The following TMEM65 variants were observed in gnomAD, a reference collection of about 807,000 sequenced individuals.
TMEM65 encodes transmembrane protein 65.
In TMEM65, 22 loss-of-function variants were observed where a neutral mutation model predicts 25.4. That is an observed-to-expected ratio of 0.86 (90% confidence interval 0.62 to 1.23). TMEM65 has a LOEUF of 1.23. Ranked by LOEUF, TMEM65 falls within the 50% of genes most tolerant of loss-of-function variation. TMEM65 has a pLI of 0.00. For missense variants in TMEM65, 262 were observed against 308.2 expected (o/e 0.85, Z 1.12); for synonymous variants, 132 against 126.2 (o/e 1.05, Z -0.31).
intron 5 of TMEM65, among the ~76,000 whole-genome samples, chr8:124,320,983 T>C (rs912844704): frequency 6.6e-5 from 10 of 152,186 alleles, no homozygotes; most frequent in Admixed American, 6.5e-4. Context: ...GCTAAATGGC[T>C]TTAAAATCTC....
At position 124,330,877 on chromosome 8, in the gene TMEM65, T is replaced by G; in HGVS notation, c.305-85A>C. 2.4e-6 allele frequency: 3 copies of G among 1,245,162 alleles called. No homozygotes were observed. The South Asian group carries it at 4.0e-5, about 17-fold the overall frequency. The allele number at this position is 1,245,162 out of a possible 1,614,324, so 77.1% of individuals were successfully genotyped here. A position where few individuals can be genotyped will look rare whatever the true frequency, so the allele number is the denominator to read the frequency against. On this transcript the variant is annotated intron_variant, in intron 1 of 6. Transcript: ENST00000297632. ...TTACAATGAAGAAAATACCAGAAGATTTACAACGTGGGAGAATATCAGAGT... is the reference window on the plus strand; with the variant it reads ...TTACAATGAAGAAAATACCAGAAGAGTTACAACGTGGGAGAATATCAGAGT...
In TMEM65 at chr8:124,337,132, AAC is replaced by A. The variant is rs748885748; in HGVS notation, c.305-6342_305-6341del. ...TTGTTACCAAAAAACTTTATATGTA[AAC>A]ACACACACACGCACACACACACACC... is the stretch of plus-strand genomic sequence containing the variant. On this transcript the variant is annotated intron_variant, in intron 1 of 6. Coordinates refer to ENST00000297632, the MANE Select transcript of TMEM65 (RefSeq NM_194291.3). 2.6e-5 allele frequency among the ~76,000 whole-genome samples: 4 copies of A among 151,506 alleles called. 1 individual carries two copies. The highest frequency in any genetic ancestry group is 3.9e-4 in the East Asian group (2 of 5,190).
intron 1 of TMEM65, among the ~76,000 whole-genome samples, chr8:124,366,964 C>A (rs1482245836): frequency 6.6e-6 from 1 of 152,216 alleles, no homozygotes; most frequent in Non-Finnish European, 1.5e-5. Flanking sequence ...CCTCTTGCCT[C>A]AATTCATACT....
intron 1 of TMEM65, among the ~76,000 whole-genome samples, chr8:124,351,662 AAG>A (rs1348485167): frequency 6.6e-6 from 1 of 152,170 alleles, no homozygotes; most frequent in African/African-American, 2.4e-5. Flanking sequence ...AAATATCTCC[AAG>A]AGTTCCTTTA....
chr8:124,360,588 C>T (rs1005964115), intron 1 of TMEM65, among the ~76,000 whole-genome samples: 2 of 152,144 alleles, frequency 1.3e-5, no homozygotes, highest in African/African-American at 4.8e-5. Flanking sequence ...GCTCTCTTGC[C>T]TTAGCTGGGC....
At chr8:124,354,105 T>C (rs564758002) in intron 1 of TMEM65, among the ~76,000 whole-genome samples, 3 of 152,174 alleles carry the variant, frequency 2.0e-5, no homozygotes, top group Admixed American at 1.3e-4. Context: ...GAAACCCAAA[T>C]TGGTTTCTCT....
rs1399320020 is a variant in TMEM65, at chr8:124,307,395, C to G, written c.*6565G>C. 6.6e-6 allele frequency: 1 copy of G among 152,118 alleles called. No homozygotes were observed. Among genetic ancestry groups the G allele is most frequent in the African/African-American group, 2.4e-5 (1 of 41,394 alleles). The allele number at this position is 152,118 out of a possible 1,614,324, so 9.4% of individuals were successfully genotyped here. On this transcript the variant is annotated 3_prime_UTR_variant, in exon 7 of 7. Transcript: ENST00000297632. ...GTTAAATTGCTTGATGTGTACTGGTCTGCAGCTGTAGTTGCCCATCCTTCA... is the reference window on the plus strand; with the variant it reads ...GTTAAATTGCTTGATGTGTACTGGTGTGCAGCTGTAGTTGCCCATCCTTCA...
chr8:124,350,896 G>T, intron 1 of TMEM65: 2 of 621,286 alleles, frequency 3.2e-6, no homozygotes, highest in Non-Finnish European at 4.0e-6. Context: ...AGTTGAGCAT[G>T]CAGTTATTGT....
chr8:124,339,677 T>C (rs1256083561), intron 1 of TMEM65, among the ~76,000 whole-genome samples: 2 of 152,006 alleles, frequency 1.3e-5, no homozygotes, highest in African/African-American at 4.8e-5. Flanking sequence ...TCACTGACTT[T>C]ATTTGAGCAT....
At chr8:124,344,391 T>C (rs866391749) in intron 1 of TMEM65, among the ~76,000 whole-genome samples, 70 of 152,196 alleles carry the variant, frequency 4.6e-4, no homozygotes, top group African/African-American at 1.6e-3. Flanking sequence ...TAAATGTAAA[T>C]GAGGTTATGA....
intron 6 of TMEM65, among the ~76,000 whole-genome samples, chr8:124,315,842 T>C (rs1814230769): frequency 6.6e-6 from 1 of 152,200 alleles, no homozygotes; most frequent in South Asian, 2.1e-4. Flanking sequence ...GAAATTTTCT[T>C]CATTCCACAT....
In TMEM65 at chr8:124,368,390, G is replaced by A. The variant is rs140735249; in HGVS notation, c.304+3464C>T. On this transcript the variant is annotated intron_variant, in intron 1 of 6. Coordinates refer to ENST00000297632, the MANE Select transcript of TMEM65 (RefSeq NM_194291.3). ...ATTAATTACACCACCTTAAATAAGT[G>A]TGGAAGCCAGCCTCAAAGATGTACC... Among the ~76,000 whole-genome samples the A allele has an allele frequency of 7.1e-4, 106 of 149,864 alleles. 2 individuals carry two copies. In the South Asian group the frequency reaches 0.013, roughly 19 times the overall value.
intron 1 of TMEM65, among the ~76,000 whole-genome samples, chr8:124,364,772 G>A (rs945491698): frequency 6.6e-6 from 1 of 152,052 alleles, no homozygotes; most frequent in African/African-American, 2.4e-5. Flanking sequence ...GTTTTTATGT[G>A]TTTTCCTTTA....
chr8:124,329,799 T>C (rs576664471), intron 2 of TMEM65, among the ~76,000 whole-genome samples: 1 of 151,994 alleles, frequency 6.6e-6, no homozygotes, highest in African/African-American at 2.4e-5. Context: ...AAACAGTAAA[T>C]TTCAATACCA....
intron 5 of TMEM65, among the ~76,000 whole-genome samples, chr8:124,321,512 T>C (rs1314455040): frequency 6.6e-6 from 1 of 152,134 alleles, no homozygotes; most frequent in African/African-American, 2.4e-5. Flanking sequence ...TAAATAGATG[T>C]CCTTAGTTTG....
chr8:124,310,970 C>T lies in TMEM65; in HGVS notation c.*2990G>A, dbSNP rs759947563. ...TATTTAATATACTGTCTTAAGATGGCGAGAAAATATAATTCTAAAATTAGA... is the reference window on the plus strand; with the variant it reads ...TATTTAATATACTGTCTTAAGATGGTGAGAAAATATAATTCTAAAATTAGA... On this transcript the variant is annotated 3_prime_UTR_variant, in exon 7 of 7. Coordinates refer to ENST00000297632, the MANE Select transcript of TMEM65 (RefSeq NM_194291.3). The T allele has an allele frequency of 4.0e-5, 6 of 151,838 alleles. No homozygotes were observed. The highest frequency in any genetic ancestry group is 1.9e-4 in the East Asian group (1 of 5,200). 9.4% of individuals were successfully genotyped at this position (151,838 alleles called of 1,614,324 possible). A position where few individuals can be genotyped will look rare whatever the true frequency, so the allele number is the denominator to read the frequency against.
rs1482371362 is a variant in TMEM65, at chr8:124,330,803, GA to G, written c.305-12del. ...GAGCTTCCAATTTTTCTAAAGGGGA[GA>G]AAAAGGATGTGGGGCAAGAATTAGT... On this transcript the variant is annotated splice_polypyrimidine_tract_variant and intron_variant, in intron 1 of 6. Coordinates refer to ENST00000297632, the MANE Select transcript of TMEM65 (RefSeq NM_194291.3). The G allele has an allele frequency of 3.2e-6, 5 of 1,578,376 alleles. No homozygotes were observed. Among genetic ancestry groups the G allele is most frequent in the African/African-American group, 1.4e-5 (1 of 71,544 alleles).
chr8:124,318,494 C>T (rs369681314), intron 6 of TMEM65, among the ~76,000 whole-genome samples: 1 of 148,438 alleles, frequency 6.7e-6, no homozygotes, highest in Admixed American at 6.9e-5. Context: ...CCTGCCTCTG[C>T]CTCCTGAGTA....
intron 1 of TMEM65, 70 bp from the exon 2 acceptor site, chr8:124,330,862 G>A: frequency 7.4e-7 from 1 of 1,348,576 alleles, no homozygotes; most frequent in Non-Finnish European, 1.0e-6. Context: ...TTACAATGAA[G>A]AAAATACCAG....
Sources: allele counts gnomAD v4.1 joint callset (sites outside exome capture counted in the v4.1 genomes callset), GRCh38; gene constraint gnomAD v4.1.1; transcripts MANE v1.5; gene names NCBI Gene and HGNC (gene_info 2026-07-23, HGNC 2026-07-21).